Variants in PCGF3 observed in about 807,000 individuals in gnomAD.
PCGF3 encodes the protein polycomb group ring finger 3, also known as polycomb group RING finger protein 3.
In PCGF3, 7 loss-of-function variants were observed where a neutral mutation model predicts 33.1. That is an observed-to-expected ratio of 0.21 (90% confidence interval 0.12 to 0.40). The LOEUF is 0.40. Ranked by LOEUF, PCGF3 falls within the 10% of genes least tolerant of loss-of-function variation. PCGF3 has a pLI of 1.00. For missense variants in PCGF3, 211 were observed against 313.3 expected, an observed-to-expected ratio of 0.67 and a Z score of 2.46; for synonymous variants, 153 against 121.3, an observed-to-expected ratio of 1.26 and a Z score of -1.72.
At chr4:739,168 A>G (rs1743978208) in intron 6 of PCGF3, among the ~76,000 whole-genome samples, 1 of 152,170 alleles carries the variant, frequency 6.6e-6, no homozygotes, top group African/African-American at 2.4e-5. Context: ...TGACATTTCT[A>G]GTTGTCTCAT....
At chr4:749,637 C>T (rs771426074) in intron 8 of PCGF3, among the ~76,000 whole-genome samples, 2 of 151,814 alleles carry the variant, frequency 1.3e-5, no homozygotes, top group Non-Finnish European at 2.9e-5. Flanking sequence ...CAGGCACACC[C>T]CACCACACCC....
rs377312731 is a variant in PCGF3 at position 765,984 on chromosome 4, C to T, written c.682-48C>T. 2.2e-4 allele frequency: 348 copies of T among 1,584,538 alleles called. 1 individual carries two copies. The highest frequency in any genetic ancestry group is 9.4e-4 in the African/African-American group (70 of 74,320). On this transcript the variant is annotated intron_variant, in intron 10 of 10. Coordinates refer to ENST00000362003, the Ensembl canonical transcript of PCGF3. The stretch of plus-strand genomic sequence containing the variant: ...CCTTCCCGATGAAGTAGGTCCTTCT[C>T]GCCTCCACCCCTGCTAAGCAGGCAC...
chr4:764,748 T>C (rs1411724664), intron 9 of PCGF3: 2 of 476,950 alleles, frequency 4.2e-6, no homozygotes, highest in African/African-American at 4.0e-5. Flanking sequence ...GCCTGCCCTG[T>C]AATATCTTAT....
At chr4:761,852 C>A (rs1184744699) in intron 9 of PCGF3, 1 of 985,264 alleles carries the variant, frequency 1.0e-6, no homozygotes, top group African/African-American at 1.7e-5. Flanking sequence ...CAGTGTGGGT[C>A]CCTGTGAGCC....
At chr4:760,512 C>T (rs888800239) in intron 8 of PCGF3, among the ~76,000 whole-genome samples, 4 of 152,110 alleles carry the variant, frequency 2.6e-5, no homozygotes, top group Admixed American at 2.6e-4. Context: ...CCGTCTGTAC[C>T]CCTGGTGTCC....
rs1744055578 is a variant in PCGF3, at chr4:740,820, C to CCCGTAAG, written c.263-2651_263-2645dup. 2.0e-5 allele frequency among the ~76,000 whole-genome samples: 3 copies of CCCGTAAG among 152,206 alleles called. No individual in the cohort carries two copies. The South Asian group carries it at 6.2e-4, about 31-fold the overall frequency. ...ACTGGCTCAGCTGTGGTCGCCTTCA[C>CCCGTAAG]CCGTAAGCCCGTCCGTGGTGCAGCT... is the stretch of plus-strand genomic sequence containing the variant. On this transcript the variant is annotated intron_variant, in intron 6 of 10. Transcript: ENST00000362003.
At chr4:734,878 G>T (rs1375007741) in intron 4 of PCGF3, 53 bp from the exon 5 acceptor site, 11 of 1,587,498 alleles carry the variant, frequency 6.9e-6, no homozygotes, top group Non-Finnish European at 9.4e-6. Context: ...CGCCGATGGG[G>T]TGGGCGCCCT....
At chr4:748,982 A>G (rs757266393) in intron 8 of PCGF3, among the ~76,000 whole-genome samples, 1 of 152,094 alleles carries the variant, frequency 6.6e-6, no homozygotes, top group Non-Finnish European at 1.5e-5. Context: ...GTGGTTTTCC[A>G]TGGATCGATG....
At chr4:750,600 T>C (rs1744468623) in intron 8 of PCGF3, among the ~76,000 whole-genome samples, 2 of 152,100 alleles carry the variant, frequency 1.3e-5, no homozygotes, top group South Asian at 4.1e-4. Flanking sequence ...TTTATGAAGA[T>C]TAAATGATTT....
intron 1 of PCGF3, among the ~76,000 whole-genome samples, chr4:725,990 G>A (rs879147098): frequency 6.6e-6 from 1 of 152,122 alleles, no homozygotes; most frequent in Non-Finnish European, 1.5e-5. Flanking sequence ...AGCCTCTTCC[G>A]AGCCATGGTT....
intron 6 of PCGF3, among the ~76,000 whole-genome samples, chr4:739,458 C>T (rs1743989542): frequency 2.6e-5 from 4 of 152,198 alleles, no homozygotes; most frequent in Admixed American, 2.6e-4. Flanking sequence ...TCCCAAAGTG[C>T]TGGGATTACA....
chr4:719,576 G>A (rs1742992773), intron 1 of PCGF3, among the ~76,000 whole-genome samples: 1 of 152,236 alleles, frequency 6.6e-6, no homozygotes, highest in Non-Finnish European at 1.5e-5. Context: ...GCTGCAATGC[G>A]GGGTCCCGTC....
Position 737,938 on chromosome 4 carries a change from C to A in PCGF3, c.262+417C>A, listed in dbSNP as rs1743907789. On this transcript the variant is annotated intron_variant, in intron 6 of 10. Transcript: ENST00000362003. ...GTAGCTGGTGTTTCTAGAAAAACTT[C>A]ACCATAAAGTCAAATTTCATTTAGA... 6.6e-5 allele frequency among the ~76,000 whole-genome samples: 10 copies of A among 152,326 alleles called. No individual in the cohort carries two copies. The South Asian group carries it at 2.1e-3, about 32-fold the overall frequency.
chr4:759,996 T>G (rs1464025852), intron 8 of PCGF3, among the ~76,000 whole-genome samples: 2 of 152,272 alleles, frequency 1.3e-5, no homozygotes, highest in Non-Finnish European at 2.9e-5. Flanking sequence ...CGGATCTTCT[T>G]CCCGCTCACA....
intron 1 of PCGF3, among the ~76,000 whole-genome samples, chr4:725,482 C>T (rs557104998): frequency 1.3e-5 from 2 of 151,230 alleles, no homozygotes; most frequent in African/African-American, 4.9e-5. Flanking sequence ...GCCGTGTCCA[C>T]GTGAGGAGGG....
In PCGF3 at chr4:725,825, C is replaced by T. The variant is rs1016245779; in HGVS notation, c.-189-4805C>T. 7.2e-5 allele frequency among the ~76,000 whole-genome samples: 11 copies of T among 152,274 alleles called. No homozygotes were observed. In the South Asian group the frequency reaches 8.3e-4, roughly 11 times the overall value. On this transcript the variant is annotated intron_variant, in intron 1 of 10. Coordinates refer to ENST00000362003, the Ensembl canonical transcript of PCGF3. ...CCTGTCCAGCCTCAGCGCTCGTCCC[C>T]GGGTCCCCCAGCAGGTGACCACAGA...
chr4:749,476 CTTTTTTT>C (rs71640348), intron 8 of PCGF3, among the ~76,000 whole-genome samples: 14 of 75,482 alleles, frequency 1.9e-4, no homozygotes, highest in South Asian at 1.0e-3. Context: ...ATTTTCTTTC[CTTTTTTT>C]TTTTTTTTTT....
At chr4:714,836 C>T (rs1742739133) in intron 1 of PCGF3, among the ~76,000 whole-genome samples, 1 of 152,236 alleles carries the variant, frequency 6.6e-6, no homozygotes, top group Non-Finnish European at 1.5e-5. Context: ...TTATTTGGGA[C>T]CTTAATTACA....
intron 8 of PCGF3, among the ~76,000 whole-genome samples, chr4:753,997 T>TCTGGGTC (rs1744653303): frequency 6.6e-6 from 1 of 152,140 alleles, no homozygotes; most frequent in Non-Finnish European, 1.5e-5. Flanking sequence ...TCAGGGGCGT[T>TCTGGGTC]CTGGGTCCTG....
Sources: gnomAD v4.1 joint callset for allele counts (sites outside exome capture counted in the v4.1 genomes callset) on GRCh38, gnomAD v4.1.1 for gene constraint, MANE v1.5 for transcripts, NCBI Gene and HGNC (gene_info 2026-07-23, HGNC 2026-07-21) for gene names.